The following NEB variants were observed in gnomAD, a reference collection of about 807,000 sequenced individuals.
NEB encodes the protein nemaline myopathy type 2.
A neutral mutation model predicts 952.2 loss-of-function variants in NEB; 512 were observed. The ratio of observed to expected loss-of-function variants is 0.54; its 90% confidence interval spans 0.50 to 0.58. NEB has a LOEUF of 0.58. NEB is among the 20% of genes least tolerant of loss of function. NEB has a pLI of 0.00. For synonymous variants in NEB, 2,900 were observed against 3,149.8 expected, an observed-to-expected ratio of 0.92 and a Z score of 2.66; for missense variants, 8,428 against 9,231.1, an observed-to-expected ratio of 0.91 and a Z score of 3.56.
chr2:151,697,073 C>A, intron 16 of NEB, 75 bp downstream of exon 16: 1 of 1,126,484 alleles, frequency 8.9e-7, no homozygotes, highest in Non-Finnish European at 1.3e-6. Context: ...GTAAAAGTGG[C>A]AACATTTTAA....
At position 151,562,784 on chromosome 2, in the gene NEB, C is replaced by T. The variant is rs1419422417; in HGVS notation, c.18718G>A (p.Asp6240Asn). Residue 6240 changes from aspartate (D) to asparagine (N), a missense_variant, in exon 120 of 182, where the codon GAT (aspartate) becomes AAT (asparagine). By Grantham distance (23) the Asp-to-Asn change is conservative (BLOSUM62 1). Coordinates refer to ENST00000397345, the MANE Select transcript of NEB (RefSeq NM_001164508.2). ...SALNYRKHYEDTKANVHIPND... is the reference protein window; with the variant it reads ...SALNYRKHYENTKANVHIPND... ...GGGATATGAACATTTGCTTTGGTATCCTCATAATGTTTTCTGTAGTTCAAC... is the reference window on the plus strand; with the variant it reads ...GGGATATGAACATTTGCTTTGGTATTCTCATAATGTTTTCTGTAGTTCAAC... 6.3e-7 allele frequency: 1 copy of T among 1,578,642 alleles called. No homozygotes were observed.
intron 45 of NEB, among the ~76,000 whole-genome samples, chr2:151,663,096 C>G (rs1376174485): frequency 6.6e-6 from 1 of 152,184 alleles, no homozygotes; most frequent in African/African-American, 2.4e-5. Flanking sequence ...TCAGTCATCA[C>G]CTTCTCAAAA....
In NEB at chr2:151,540,815, G is replaced by A. The variant is rs778024095; in HGVS notation, c.20683-14C>T. On this transcript the variant is annotated splice_polypyrimidine_tract_variant and intron_variant, in intron 136 of 181. Coordinates refer to ENST00000397345, the MANE Select transcript of NEB (RefSeq NM_001164508.2). The stretch of plus-strand genomic sequence containing the variant: ...AACATACAGATACTGAATAATAGAA[G>A]AAAGTGAGGTGTCATAGAGATAAAG... 1 of 1,584,884 alleles carries A rather than the reference G, an allele frequency of 6.3e-7. No individual in the cohort carries two copies. Among genetic ancestry groups the A allele is most frequent in the Non-Finnish European group, 8.7e-7 (1 of 1,153,744 alleles).
rs2154158148 is a variant in NEB at position 151,659,238 on chromosome 2, T to C, written c.5971-69A>G. The C allele has an allele frequency of 3.6e-6, 3 of 842,706 alleles. No homozygotes were observed. The South Asian group carries it at 5.0e-5, about 14-fold the overall frequency. 52.2% of individuals were successfully genotyped at this position (842,706 alleles called of 1,614,324 possible). On this transcript the variant is annotated intron_variant, in intron 46 of 181. Transcript: ENST00000397345. The stretch of plus-strand genomic sequence containing the variant: ...AAGCTCACTTAGTACATACATATCA[T>C]TGTACATATATATCAATATTTCATG...
intron 20 of NEB, among the ~76,000 whole-genome samples, chr2:151,693,314 G>C (rs1307566901): frequency 1.3e-5 from 2 of 152,060 alleles, no homozygotes; most frequent in Non-Finnish European, 2.9e-5. Context: ...TTGTGGGTTT[G>C]TTACATAGGG....
chr2:151,531,735 C>T (rs2091175549), intron 144 of NEB, 57 bp downstream of exon 144: 3 of 1,310,566 alleles, frequency 2.3e-6, no homozygotes, highest in Non-Finnish European at 3.3e-6. Flanking sequence ...AAATGCCCCT[C>T]CATGTTTGCA....
chr2:151,726,644 G>T (rs922083944), intron 5 of NEB, among the ~76,000 whole-genome samples: 1 of 152,152 alleles, frequency 6.6e-6, no homozygotes, highest in Non-Finnish European at 1.5e-5. Flanking sequence ...ACAGAACTGT[G>T]CATGGGAATC....
intron 18 of NEB, 47 bp downstream of exon 18, chr2:151,695,531 G>A: frequency 2.9e-6 from 4 of 1,364,520 alleles, no homozygotes; most frequent in Non-Finnish European, 4.1e-6. Context: ...AAACATAAAA[G>A]CACAGGTTGT....
intron 16 of NEB, 54 bp from the exon 17 acceptor site, chr2:151,696,789 T>C (rs73007959): frequency 1.4e-6 from 2 of 1,379,490 alleles, no homozygotes; most frequent in African/African-American, 2.8e-5. Flanking sequence ...AGATCCAAGG[T>C]GGCCCACAGG....
rs1162997527 is a variant in NEB, at chr2:151,627,202, T to C, written c.10147A>G (p.Ile3383Val). The C allele has an allele frequency of 1.7e-5, 28 of 1,611,432 alleles. No homozygotes were observed. The highest frequency in any genetic ancestry group is 4.5e-5 in the East Asian group (2 of 44,816). The change falls in exon 70 of 182, where the codon ATT becomes GTT. Residue 3383 changes from isoleucine (I) to valine (V), a missense_variant. This residue lies in a region of NEB where 1,772 missense variants were observed against 1,960.3 expected (regional missense o/e 0.90). Transcript: ENST00000397345. ...AGCCACTGGAGATCAGATTTGTAAA[T>C]GTTCTGGAGAGATTAAACACAAAAG... Reference protein sequence around the residue: ...RQAYDLQSDNIYKSDLQWLRG... With the variant: ...RQAYDLQSDNVYKSDLQWLRG...
At chr2:151,715,653 C>T (rs939005738) in intron 10 of NEB, among the ~76,000 whole-genome samples, 9 of 152,242 alleles carry the variant, frequency 5.9e-5, no homozygotes, top group Admixed American at 5.2e-4. Flanking sequence ...AGGGGTCTCT[C>T]ACCAGGAACT....
rs12616767 is a variant in NEB at position 151,663,267 on chromosome 2, C to T, written c.5763+281G>A. On this transcript the variant is annotated intron_variant, in intron 45 of 181. Coordinates refer to ENST00000397345, the MANE Select transcript of NEB (RefSeq NM_001164508.2). ...TTTGACCATCTTTGCTAGACATATTCCTTTCAATACACTCTTTCTGAAATG... is the reference window on the plus strand; with the variant it reads ...TTTGACCATCTTTGCTAGACATATTTCTTTCAATACACTCTTTCTGAAATG... Among the ~76,000 whole-genome samples the T allele has an allele frequency of 0.27, 40,938 of 152,048 alleles. 7,371 individuals carry two copies. The highest frequency in any genetic ancestry group is 0.54 in the East Asian group (2,798 of 5,164).
chr2:151,535,831 C>A, intron 141 of NEB, 36 bp from the exon 142 acceptor site: 1 of 1,123,984 alleles, frequency 8.9e-7, no homozygotes, highest in East Asian at 2.5e-5. Context: ...TGACAGCAGG[C>A]TATGATTATC....
chr2:151,569,316 G>T lies in NEB; in HGVS notation c.17487C>A (p.Asp5829Glu). The T allele has an allele frequency of 6.2e-7, 1 of 1,613,950 alleles. No homozygotes were observed. The highest frequency in any genetic ancestry group is 8.5e-7 in the Non-Finnish European group (1 of 1,179,834). Residue 5829 changes from aspartate (D) to glutamate (E), a missense_variant, in exon 110 of 182, where the codon GAC becomes GAA. Coordinates refer to ENST00000397345, the MANE Select transcript of NEB (RefSeq NM_001164508.2). ...GTTTGGCATGATTGACGGACACGGA[G>T]TCATTTGGCATCCACCCAATTCCAC... ...WLRGIGWMPN[D>E]SVSVNHAKHA...
At position 151,537,255 on chromosome 2, in the gene NEB, C is replaced by T; in HGVS notation, c.21103-19G>A. 6.7e-7 allele frequency: 1 copy of T among 1,497,926 alleles called. No homozygotes were observed. The highest frequency in any genetic ancestry group is 1.1e-5 in the South Asian group (1 of 87,962). 92.8% of individuals were successfully genotyped at this position (1,497,926 alleles called of 1,614,324 possible). The stretch of plus-strand genomic sequence containing the variant: ...ATTTTACCTGGGAGAAGAAGAACAT[C>T]AAAGAGTTCTAAGAAGCCATCTCCA... On this transcript the variant is annotated intron_variant, in intron 140 of 181. Transcript: ENST00000397345.
intron 173 of NEB, among the ~76,000 whole-genome samples, chr2:151,495,663 A>AAAC (rs1553541923): frequency 3.3e-5 from 5 of 151,526 alleles, no homozygotes; most frequent in Non-Finnish European, 5.9e-5. Flanking sequence ...CAGTAAAACT[A>AAAC]AAGAACAACA....
chr2:151,613,289 G>A (rs1050996145), intron 77 of NEB, among the ~76,000 whole-genome samples: 22 of 152,244 alleles, frequency 1.4e-4, no homozygotes, highest in African/African-American at 5.3e-4. Context: ...GTCTTCATAT[G>A]TATAATTCAT....
At position 151,581,572 on chromosome 2, in the gene NEB, C is replaced by G; in HGVS notation, c.16195G>C (p.Ala5399Pro). 1.1e-6 allele frequency: 1 copy of G among 886,066 alleles called. No homozygotes were observed. Among genetic ancestry groups the G allele is most frequent in the Non-Finnish European group, 1.7e-6 (1 of 577,006 alleles). The allele number at this position is 886,066 out of a possible 1,614,324, so 54.9% of individuals were successfully genotyped here. A position where few individuals can be genotyped will look rare whatever the true frequency, so the allele number is the denominator to read the frequency against. ...ACATTAGCCTTCTCTTTCTCCCAGG[C>G]ATCGCGATACAATGGCTGGGAAAAA... ...VQISEPLYRD[A>P]WEKEKANVNV... Residue 5399 changes from alanine (A) to proline (P), a missense_variant, in exon 103 of 182, where the codon GCC becomes CCC. Coordinates refer to ENST00000397345, the MANE Select transcript of NEB (RefSeq NM_001164508.2).
At position 151,541,536 on chromosome 2, in the gene NEB, C is replaced by A; in HGVS notation, c.20593G>T (p.Ala6865Ser). The A allele has an allele frequency of 6.2e-7, 1 of 1,613,336 alleles. No homozygotes were observed. Among genetic ancestry groups the A allele is most frequent in the Admixed American group, 1.7e-5 (1 of 60,018 alleles). Residue 6865 changes from alanine (A) to serine (S), a missense_variant, in exon 136 of 182, where the codon GCA (alanine) becomes TCA (serine). Ala to Ser is a moderately conservative substitution (Grantham distance 99). Around this residue, in one of 11 missense-constraint regions of NEB, gnomAD observed 3,374 missense variants for 3,651.5 expected, o/e 0.92. Coordinates refer to ENST00000397345, the MANE Select transcript of NEB (RefSeq NM_001164508.2). The stretch of plus-strand genomic sequence containing the variant: ...AAGATTGACTTCTGCTTCTTGCCTG[C>A]AGCTCTGTAGACCAGCTAGACATAA... ...THLSELVYRA[A>S]GKKQKSIFTS...
Sources: gnomAD v4.1 joint callset for allele counts (sites outside exome capture counted in the v4.1 genomes callset) on GRCh38, gnomAD v4.1.1 for gene constraint, gnomAD v4.1.1 regional missense constraint, MANE v1.5 for transcripts, NCBI Gene and HGNC (gene_info 2026-07-23, HGNC 2026-07-21) for gene names.